Variants in TEX14 observed in about 807,000 individuals in gnomAD.
TEX14 encodes testis expressed 14, intercellular bridge forming factor, also known as inactive serine/threonine-protein kinase TEX14.
A neutral mutation model predicts 178.6 loss-of-function variants in TEX14; 168 were observed. The ratio of observed to expected loss-of-function variants is 0.94; its 90% CI spans 0.83 to 1.07. TEX14 has a LOEUF of 1.07. Among genes scored for constraint, TEX14 ranks in the 50% least tolerant of loss-of-function variants. The pLI, the probability that TEX14 is intolerant of heterozygous loss-of-function variation, is 0.00. For missense variants in TEX14, 1,730 were observed against 1,753.6 expected, an observed-to-expected ratio of 0.99 and a Z score of 0.24; for synonymous variants, 626 against 634.1, an observed-to-expected ratio of 0.99 and a Z score of 0.19.
chr17:58,667,277 C>T (rs1194502592), intron 1 of TEX14, among the ~76,000 whole-genome samples: 2 of 152,140 alleles, frequency 1.3e-5, no homozygotes, highest in African/African-American at 4.8e-5. Context: ...TGCAATATAG[C>T]GTTCACAATG....
At chr17:58,633,611 G>C (rs762992641) in intron 2 of TEX14, among the ~76,000 whole-genome samples, 1 of 151,744 alleles carries the variant, frequency 6.6e-6, no homozygotes, top group African/African-American at 2.4e-5. Flanking sequence ...GATCACTTGA[G>C]GTCAGGAGTT....
Position 58,681,511 on chromosome 17 carries a change from AT to A in TEX14, c.-2+10427del, listed in dbSNP as rs1391813260. On this transcript the variant is annotated intron_variant, in intron 1 of 31. Transcript: ENST00000349033. ...ACACACATATGTATATGTATGCTCT[AT>A]AAATTGTCAACATTTTGTTTTGTGA... Among the ~76,000 whole-genome samples the A allele has an allele frequency of 1.4e-4, 22 of 152,226 alleles. No homozygotes were observed. The South Asian group carries it at 3.7e-3, about 26-fold the overall frequency.
In TEX14 at chr17:58,573,325, A is replaced by G. The variant is rs1369514706; in HGVS notation, c.3384-17T>C. On this transcript the variant is annotated splice_polypyrimidine_tract_variant and intron_variant, in intron 22 of 31. Transcript: ENST00000349033. Reference sequence around the variant, plus strand: ...GTCAATGATCTAAAGAATTAAGAGCACACAGTAATGATGAGAAGATGACTA... The same window carrying G: ...GTCAATGATCTAAAGAATTAAGAGCGCACAGTAATGATGAGAAGATGACTA... 15 of 1,611,852 alleles carry G rather than the reference A, an allele frequency of 9.3e-6. No individual in the cohort carries two copies. The highest frequency in any genetic ancestry group is 1.3e-5 in the Non-Finnish European group (15 of 1,178,268).
intron 1 of TEX14, among the ~76,000 whole-genome samples, chr17:58,687,054 T>C (rs1286155046): frequency 6.6e-6 from 1 of 151,802 alleles, no homozygotes; most frequent in Non-Finnish European, 1.5e-5. Context: ...TGAAGGCCCA[T>C]GGGATGTGAC....
chr17:58,659,281 C>G (rs1006938156), intron 1 of TEX14: 7 of 928,408 alleles, frequency 7.5e-6, no homozygotes, highest in African/African-American at 5.4e-5. Flanking sequence ...GGACCAACAG[C>G]GTCTCTCCCC....
chr17:58,577,362 T>A lies in TEX14; in HGVS notation c.3320+13A>T. ...ATGAGTTTGAAACTGCATAAGATAA[T>A]AATAGCCCATACCTTCGTACAGGTT... On this transcript the variant is annotated intron_variant, in intron 21 of 31. Coordinates refer to ENST00000349033, the MANE Select transcript of TEX14 (RefSeq NM_031272.5). 8.2e-7 allele frequency: 1 copy of A among 1,225,916 alleles called. No individual in the cohort carries two copies. Among genetic ancestry groups the A allele is most frequent in the Non-Finnish European group, 1.1e-6 (1 of 888,086 alleles). The allele number at this position is 1,225,916 out of a possible 1,614,324, so 75.9% of individuals were successfully genotyped here.
chr17:58,578,755 C>A (rs1176335753), intron 20 of TEX14, among the ~76,000 whole-genome samples: 2 of 152,202 alleles, frequency 1.3e-5, no homozygotes, highest in African/African-American at 4.8e-5. Flanking sequence ...ACTTTTAATA[C>A]ATATTATGCT....
intron 19 of TEX14, among the ~76,000 whole-genome samples, chr17:58,581,337 GA>G (rs1310335217): frequency 1.3e-5 from 2 of 149,766 alleles, no homozygotes; most frequent in South Asian, 2.1e-4. Flanking sequence ...AAAAAGTTTT[GA>G]AAAAAAAGTA....
chr17:58,667,087 C>G (rs2047226826), intron 1 of TEX14, among the ~76,000 whole-genome samples: 2 of 152,208 alleles, frequency 1.3e-5, no homozygotes, highest in Non-Finnish European at 2.9e-5. Context: ...AGCCTAAGGC[C>G]TTCGGATCTC....
chr17:58,572,588 C>T (rs113518025), intron 23 of TEX14, among the ~76,000 whole-genome samples: 145 of 150,472 alleles, frequency 9.6e-4, no homozygotes, highest in Non-Finnish European at 1.7e-3. Context: ...GCCGAGATTG[C>T]GCCACTGCAC....
At position 58,569,280 on chromosome 17, in the gene TEX14, A is replaced by G. The variant is rs527956784; in HGVS notation, c.3818-20T>C. 6.2e-7 allele frequency: 1 copy of G among 1,609,088 alleles called. No individual in the cohort carries two copies. The highest frequency in any genetic ancestry group is 1.1e-5 in the South Asian group (1 of 90,946). On this transcript the variant is annotated intron_variant, in intron 25 of 31. Coordinates refer to ENST00000349033, the MANE Select transcript of TEX14 (RefSeq NM_031272.5). This position sits in a 1 kb window ranked among gnomAD's most constrained non-coding sequence, Gnocchi z 4.1. ...CTTCTACTAGTTTTTAAAAAAGACA[A>G]AAGGGAAAATGTCTTAACACCCTCC...
At position 58,559,555 on chromosome 17, in the gene TEX14, T is replaced by C. The variant is rs764543644; in HGVS notation, c.4165A>G (p.Asn1389Asp). 6.7e-7 allele frequency: 1 copy of C among 1,484,836 alleles called. No homozygotes were observed. The highest frequency in any genetic ancestry group is 1.4e-5 in the African/African-American group (1 of 71,440). 92.0% of individuals were successfully genotyped at this position (1,484,836 alleles called of 1,614,324 possible). Residue 1389 changes from asparagine (N) to aspartate (D), a missense_variant, in exon 30 of 32, where the codon AAT becomes GAT. By Grantham distance (23) the Asn-to-Asp change is conservative (BLOSUM62 1). Coordinates refer to ENST00000349033, the MANE Select transcript of TEX14 (RefSeq NM_031272.5). ...TCACCAACTTTTTGATCTTTGATAT[T>C]TGTCTCCCTGTAACAACAATTATTT... ...DLPKGSERETNIKDQKVGEEK... is the reference protein window; with the variant it reads ...DLPKGSERETDIKDQKVGEEK...
chr17:58,599,604 C>T lies in TEX14; in HGVS notation c.1741G>A (p.Ala581Thr). 6.2e-7 allele frequency: 1 copy of T among 1,613,734 alleles called. No homozygotes were observed. Among genetic ancestry groups the T allele is most frequent in the Non-Finnish European group, 8.5e-7 (1 of 1,179,948 alleles). ...CTGGCCATCAGACATGGATCTGGGG[C>T]CTGAGGATCTAGTGTCCCCTCAGTG... ...LFTEGTLDPQ[A>T]PDPCLMARET... is the part of the protein sequence containing the mutation. Residue 581 changes from alanine to threonine, a missense_variant, in exon 14 of 32, where the codon GCC (alanine) becomes ACC (threonine). Around this residue, in one of 2 missense-constraint regions of TEX14, gnomAD observed 941 missense variants for 1,072.4 expected, o/e 0.88. Transcript: ENST00000349033.
chr17:58,573,531 C>A (rs544292943), intron 22 of TEX14, among the ~76,000 whole-genome samples: 2 of 151,856 alleles, frequency 1.3e-5, no homozygotes, highest in South Asian at 2.1e-4. Flanking sequence ...TTTTTTTTGG[C>A]GGCAGGGACA....
chr17:58,670,546 G>A (rs749078274), intron 1 of TEX14, among the ~76,000 whole-genome samples: 1 of 151,828 alleles, frequency 6.6e-6, no homozygotes, highest in Non-Finnish European at 1.5e-5. Flanking sequence ...GGCTGAAGTG[G>A]GTAGATCACT....
At chr17:58,665,758 AAAT>A (rs1427315076) in intron 1 of TEX14, among the ~76,000 whole-genome samples, 1 of 151,670 alleles carries the variant, frequency 6.6e-6, no homozygotes, top group Non-Finnish European at 1.5e-5. Flanking sequence ...TGAAAAAAAA[AAAT>A]AAGGCTGGGC....
chr17:58,563,652 TATATATAGAGAG>T (rs1448782177), intron 28 of TEX14, among the ~76,000 whole-genome samples: 5 of 22,504 alleles, frequency 2.2e-4, no homozygotes, highest in Non-Finnish European at 2.1e-4. Context: ...TATATATATA[TATATATAGAGAG>T]AGAGAGAGAG....
At chr17:58,671,775 T>C (rs1308479452) in intron 1 of TEX14, among the ~76,000 whole-genome samples, 1 of 152,216 alleles carries the variant, frequency 6.6e-6, no homozygotes, top group Admixed American at 6.5e-5. Context: ...CCATTTTACA[T>C]GTTTTGAGCT....
At chr17:58,676,869 G>A (rs567330848) in intron 1 of TEX14, among the ~76,000 whole-genome samples, 10 of 152,094 alleles carry the variant, frequency 6.6e-5, no homozygotes, top group Non-Finnish European at 1.3e-4. Context: ...GGTGGCTCAC[G>A]CCTGTAATCC....
Sources: allele counts gnomAD v4.1 joint callset (sites outside exome capture counted in the v4.1 genomes callset), GRCh38; gene constraint gnomAD v4.1.1; regional missense constraint gnomAD v4.1.1; non-coding constraint Gnocchi (gnomAD v3.1); transcripts MANE v1.5; gene names NCBI Gene and HGNC (gene_info 2026-07-23, HGNC 2026-07-21).